GPHN: variants seen among roughly 807,000 people sequenced by gnomAD.
GPHN encodes the protein gephyrin.
A neutral mutation model predicts 95.5 loss-of-function variants in GPHN; 17 were observed. The ratio of observed to expected loss-of-function variants is 0.18; its 90% CI spans 0.12 to 0.27. GPHN has a LOEUF of 0.27. GPHN is among the 10% of genes least tolerant of loss of function. The pLI is 1.00. For missense variants in GPHN, 660 were observed against 978.1 expected (o/e 0.67, Z 4.34); for synonymous variants, 320 against 322.5 (o/e 0.99, Z 0.08).
chr14:67,354,706 A>T, the GPHN span, among the ~76,000 whole-genome samples: 4 of 152,254 alleles, frequency 2.6e-5, no homozygotes, highest in African/African-American at 9.6e-5. Context: ...TGCAGAGAAT[A>T]GTTCTAGAAA....
intron 8 of GPHN, among the ~76,000 whole-genome samples, chr14:66,943,240 A>G (rs2153574158): frequency 6.6e-6 from 1 of 152,308 alleles, no homozygotes; most frequent in East Asian, 1.9e-4. Context: ...ATCTTTTACT[A>G]AAAACACATC....
intron 17 of GPHN, among the ~76,000 whole-genome samples, chr14:67,132,045 A>G (rs1375182343): frequency 2.6e-5 from 4 of 152,170 alleles, no homozygotes; most frequent in African/African-American, 7.2e-5. Context: ...TTACTTGACT[A>G]TGTCATAGAT....
At chr14:67,581,742 T>C in the GPHN span, 1 of 245,226 alleles carries the variant, frequency 4.1e-6, no homozygotes, top group African/African-American at 2.3e-5. Flanking sequence ...TCCAGGCAAA[T>C]AGTTTCCAGT....
intron 16 of GPHN, among the ~76,000 whole-genome samples, chr14:67,115,713 T>TGA (rs2078648379): frequency 1.3e-5 from 2 of 150,614 alleles, no homozygotes; most frequent in East Asian, 2.0e-4. Context: ...CCAGCCTGGG[T>TGA]GAGAGAGAGA....
chr14:66,763,598 C>G (rs2058843853), intron 2 of GPHN, among the ~76,000 whole-genome samples: 1 of 151,586 alleles, frequency 6.6e-6, no homozygotes, highest in Admixed American at 6.6e-5. Flanking sequence ...GCATAGTATT[C>G]CATGGTGTAT....
At chr14:66,995,516 A>G (rs1053551703) in intron 9 of GPHN, among the ~76,000 whole-genome samples, 1 of 152,200 alleles carries the variant, frequency 6.6e-6, no homozygotes, top group Non-Finnish European at 1.5e-5. Context: ...ATGTTATTTC[A>G]TAAGTTCAGT....
intron 1 of GPHN, among the ~76,000 whole-genome samples, chr14:66,568,343 A>T (rs1595007644): frequency 6.6e-6 from 1 of 152,172 alleles, no homozygotes; most frequent in Admixed American, 6.5e-5. Context: ...GTTCTTGGTT[A>T]GGCCTGCGTG....
chr14:67,348,469 T>A, the GPHN span, among the ~76,000 whole-genome samples: 1 of 150,594 alleles, frequency 6.6e-6, no homozygotes, highest in Non-Finnish European at 1.5e-5. Context: ...CCTCCCAAAG[T>A]GCTGGGATTA....
chr14:67,479,633 G>C, the GPHN span, among the ~76,000 whole-genome samples: 2 of 152,186 alleles, frequency 1.3e-5, no homozygotes, highest in South Asian at 4.1e-4. Flanking sequence ...CAGGAGAATC[G>C]CTTGAACCTG....
the GPHN span, among the ~76,000 whole-genome samples, chr14:67,361,473 C>T: frequency 6.6e-6 from 1 of 152,182 alleles, no homozygotes; most frequent in Admixed American, 6.5e-5. Context: ...ATGTAGCACT[C>T]CTATACCAAG....
chr14:67,026,852 C>A (rs1042497263), intron 10 of GPHN, among the ~76,000 whole-genome samples: 2 of 152,134 alleles, frequency 1.3e-5, no homozygotes, highest in Non-Finnish European at 2.9e-5. Flanking sequence ...CCGTGTTAGC[C>A]AGGATGGTCT....
chr14:66,945,737 AAAG>A (rs1212376771), intron 8 of GPHN, among the ~76,000 whole-genome samples: 1 of 152,236 alleles, frequency 6.6e-6, no homozygotes, highest in Admixed American at 6.5e-5. Flanking sequence ...TAAAAAGGTA[AAAG>A]AAAGCAGTGT....
At chr14:67,364,664 T>C in the GPHN span, 29,935 of 1,215,672 alleles carry the variant, frequency 0.025, 457 homozygotes, top group Non-Finnish European at 0.029. Context: ...TAATAACTAT[T>C]TTTTTCTTCA....
chr14:67,469,533 G>A, the GPHN span, among the ~76,000 whole-genome samples: 1 of 134,984 alleles, frequency 7.4e-6, no homozygotes, highest in African/African-American at 2.8e-5. Flanking sequence ...TAATCCTCCT[G>A]CTTCAGCCTC....
At chr14:67,042,253 T>C (rs1164420311) in intron 10 of GPHN, among the ~76,000 whole-genome samples, 7 of 152,172 alleles carry the variant, frequency 4.6e-5, no homozygotes, top group African/African-American at 1.7e-4. Flanking sequence ...TTTGTCAATT[T>C]TGGCTTTTGT....
the GPHN span, among the ~76,000 whole-genome samples, chr14:67,226,215 T>A: frequency 6.6e-6 from 1 of 152,118 alleles, no homozygotes; most frequent in Non-Finnish European, 1.5e-5. Flanking sequence ...TTTTTGAGAC[T>A]GAATCTTGCT....
chr14:66,800,097 A>G (rs2060291970), intron 3 of GPHN, among the ~76,000 whole-genome samples: 1 of 152,056 alleles, frequency 6.6e-6, no homozygotes, highest in African/African-American at 2.4e-5. Context: ...AAAAGTCTAC[A>G]CTTTAACGTT....
At chr14:67,200,364 T>C in the GPHN span, 2 of 628,568 alleles carry the variant, frequency 3.2e-6, no homozygotes, top group South Asian at 3.7e-5. Context: ...ATCTTCCCAA[T>C]ATCTTTTCGA....
intron 1 of GPHN, among the ~76,000 whole-genome samples, chr14:66,652,587 T>C (rs1450729459): frequency 1.3e-5 from 2 of 152,122 alleles, no homozygotes; most frequent in Admixed American, 6.5e-5. Context: ...TTTACTTTTG[T>C]TTTAATATTC....
Sources: gnomAD v4.1 joint callset for allele counts (sites outside exome capture counted in the v4.1 genomes callset) on GRCh38, gnomAD v4.1.1 for gene constraint, MANE v1.5 for transcripts, NCBI Gene and HGNC (gene_info 2026-07-23, HGNC 2026-07-21) for gene names.